Variants in PLXNA2 observed in about 807,000 individuals in gnomAD.
PLXNA2 encodes plexin-A2.
Under a neutral mutation model 193.5 loss-of-function variants are expected in PLXNA2, and 91 were observed. The ratio of observed to expected loss-of-function variants is 0.47; its 90% CI spans 0.40 to 0.56. The LOEUF is 0.56. Among genes scored for constraint, PLXNA2 ranks in the 20% least tolerant of loss-of-function variants. PLXNA2 has a pLI of 0.00. For synonymous variants in PLXNA2, 997 were observed against 1,027.3 expected (o/e 0.97, Z 0.56); for missense variants, 1,995 against 2,503.2 (o/e 0.80, Z 4.33).
chr1:208,038,307 G>A lies in PLXNA2; in HGVS notation c.4764+64C>T, dbSNP rs547189954. 4.1e-5 allele frequency: 48 copies of A among 1,164,698 alleles called. No individual in the cohort carries two copies. The highest frequency in any genetic ancestry group is 3.0e-4 in the East Asian group (13 of 42,706). The allele number at this position is 1,164,698 out of a possible 1,614,324, so 72.1% of individuals were successfully genotyped here. On this transcript the variant is annotated intron_variant, in intron 26 of 31. Coordinates refer to ENST00000367033, the MANE Select transcript of PLXNA2 (RefSeq NM_025179.4). This position sits in a 1 kb window ranked among gnomAD's most constrained non-coding sequence, Gnocchi z 4.1. ...CTTTTTAGACTTTTGAGGCCTTAGA[G>A]CAAGGCTTAGCGGGAAGGGAACATT...
rs77558820 is a variant in PLXNA2 at position 208,091,334 on chromosome 1, G to A, written c.2097+1452C>T. On this transcript the variant is annotated intron_variant, in intron 9 of 31. Transcript: ENST00000367033. ...TTCAGAGTCTATTTTCTTATGTTTAGCCATGGAAGCAACCAGCACTGCTAT... is the reference window on the plus strand; with the variant it reads ...TTCAGAGTCTATTTTCTTATGTTTAACCATGGAAGCAACCAGCACTGCTAT... Among the ~76,000 whole-genome samples, 248 of 152,280 alleles carry A rather than the reference G, an allele frequency of 1.6e-3. 1 individual carries two copies. The highest frequency in any genetic ancestry group is 0.011 in the Admixed American group (172 of 15,298).
rs79921446 is a variant in PLXNA2, at chr1:208,195,694, G to A, written c.1371+14586C>T. On this transcript the variant is annotated intron_variant, in intron 3 of 31. Coordinates refer to ENST00000367033, the MANE Select transcript of PLXNA2 (RefSeq NM_025179.4). ...GTGGGCAACATGCATCATAAAAAGCGTAATGGACTAATGCTAATACACAGA... is the reference window on the plus strand; with the variant it reads ...GTGGGCAACATGCATCATAAAAAGCATAATGGACTAATGCTAATACACAGA... Among the ~76,000 whole-genome samples, 44 of 151,896 alleles carry A rather than the reference G, an allele frequency of 2.9e-4. No homozygotes were observed. The Middle Eastern group carries it at 0.014, about 47-fold the overall frequency.
intron 3 of PLXNA2, among the ~76,000 whole-genome samples, chr1:208,196,081 G>A (rs950009451): frequency 3.3e-5 from 5 of 151,980 alleles, no homozygotes; most frequent in Admixed American, 6.6e-5. Context: ...AGTTATGTTG[G>A]GCTTATGACA....
rs1664264196 is a variant in PLXNA2 at position 208,023,918 on chromosome 1, T to C, written c.*3325A>G. 1.3e-5 allele frequency: 2 copies of C among 152,214 alleles called. No individual in the cohort carries two copies. The highest frequency in any genetic ancestry group is 1.3e-4 in the Admixed American group (2 of 15,288). The allele number at this position is 152,214 out of a possible 1,614,324, so 9.4% of individuals were successfully genotyped here. ...TGATCCATGCTTTTAATGACTGAAC[T>C]CTGTAAAGAGGGGAACCCTCTGCCA... is the stretch of plus-strand genomic sequence containing the variant. On this transcript the variant is annotated 3_prime_UTR_variant, in exon 32 of 32. Transcript: ENST00000367033.
intron 3 of PLXNA2, among the ~76,000 whole-genome samples, chr1:208,186,708 A>ATTTTTTTTTT (rs368056918): frequency 6.4e-4 from 72 of 111,720 alleles, no homozygotes; most frequent in African/African-American, 2.0e-3. Context: ...TTGCAATGTT[A>ATTTTTTTTTT]TTTTATTTTT....
At chr1:208,225,057 G>A (rs568690379) in intron 1 of PLXNA2, among the ~76,000 whole-genome samples, 2 of 152,134 alleles carry the variant, frequency 1.3e-5, no homozygotes, top group African/African-American at 2.4e-5. Context: ...AGCTGCGTGC[G>A]GCTCTCAGCT....
At chr1:208,207,061 A>C (rs1013906954) in intron 3 of PLXNA2, among the ~76,000 whole-genome samples, 1 of 152,128 alleles carries the variant, frequency 6.6e-6, no homozygotes, top group African/African-American at 2.4e-5. Context: ...GCTGGAGTGC[A>C]GTAGCATGAT....
intron 4 of PLXNA2, among the ~76,000 whole-genome samples, chr1:208,123,058 A>G (rs1169566208): frequency 2.6e-5 from 4 of 152,162 alleles, no homozygotes; most frequent in African/African-American, 9.7e-5. Context: ...CCCCATACCC[A>G]TTAGTAGTCA....
chr1:208,205,564 T>A (rs1385994969), intron 3 of PLXNA2, among the ~76,000 whole-genome samples: 1 of 152,182 alleles, frequency 6.6e-6, no homozygotes, highest in African/African-American at 2.4e-5. Flanking sequence ...CTGCTCCTCT[T>A]CTCTGCCTCA....
intron 17 of PLXNA2, among the ~76,000 whole-genome samples, chr1:208,047,111 C>A (rs1283826964): frequency 6.6e-5 from 10 of 152,150 alleles, no homozygotes; most frequent in African/African-American, 2.4e-4. Flanking sequence ...CAGGCACGTG[C>A]CACCACGCCC....
At chr1:208,063,255 C>T (rs539166789) in intron 12 of PLXNA2, among the ~76,000 whole-genome samples, 21 of 152,328 alleles carry the variant, frequency 1.4e-4, no homozygotes, top group African/African-American at 3.8e-4. Context: ...GTGGGGACCG[C>T]ATTGTGGATC....
Position 208,044,466 on chromosome 1 carries a change from G to A in PLXNA2, c.3874+42C>T, listed in dbSNP as rs1664985436. On this transcript the variant is annotated intron_variant, in intron 20 of 31. Transcript: ENST00000367033. The surrounding 1 kb of genome is among the most constrained non-coding windows in gnomAD (Gnocchi z 4.9). ...AGGGAGAAGGGCAATAAGGCAGGTG[G>A]AGAAAGAGGGACCCAGCAAATGAGG... is the stretch of plus-strand genomic sequence containing the variant. 1 of 1,397,762 alleles carries A rather than the reference G, an allele frequency of 7.2e-7. No individual in the cohort carries two copies. Among genetic ancestry groups the A allele is most frequent in the Non-Finnish European group, 1.0e-6 (1 of 984,388 alleles). The allele number at this position is 1,397,762 out of a possible 1,614,324, so 86.6% of individuals were successfully genotyped here. A position where few individuals can be genotyped will look rare whatever the true frequency, so the allele number is the denominator to read the frequency against.
At chr1:208,077,379 G>C (rs975581020) in intron 12 of PLXNA2, among the ~76,000 whole-genome samples, 37 of 152,192 alleles carry the variant, frequency 2.4e-4, no homozygotes, top group Non-Finnish European at 4.4e-5. Context: ...CAGCCCGTCA[G>C]CCCCCGGTCA....
chr1:208,030,066 G>A (rs1664452545), intron 29 of PLXNA2: 1 of 985,292 alleles, frequency 1.0e-6, no homozygotes, highest in African/African-American at 1.7e-5. Context: ...CAGGTCTTGG[G>A]GAAGATCTGC....
At chr1:208,126,806 G>A (rs2102458488) in intron 4 of PLXNA2, among the ~76,000 whole-genome samples, 1 of 152,226 alleles carries the variant, frequency 6.6e-6, no homozygotes, top group Non-Finnish European at 1.5e-5. Context: ...CCAGAGCACA[G>A]GCCCTGCTCT....
At chr1:208,115,716 T>C (rs1284177935) in intron 4 of PLXNA2, among the ~76,000 whole-genome samples, 1 of 152,176 alleles carries the variant, frequency 6.6e-6, no homozygotes, top group African/African-American at 2.4e-5. Flanking sequence ...CCCAAAGTAC[T>C]CATAGTGTTG....
chr1:208,226,327 G>C (rs73082018), intron 1 of PLXNA2, among the ~76,000 whole-genome samples: 22 of 152,026 alleles, frequency 1.4e-4, no homozygotes, highest in East Asian at 3.9e-4. Context: ...TGCTTTTAAC[G>C]TCAGGGAGAG....
Position 208,149,836 on chromosome 1 carries a change from C to T in PLXNA2, c.1372-7373G>A, listed in dbSNP as rs1474696555. 2.6e-5 allele frequency among the ~76,000 whole-genome samples: 4 copies of T among 152,148 alleles called. No homozygotes were observed. In the South Asian group the frequency reaches 8.3e-4, roughly 31 times the overall value. Reference sequence around the variant, plus strand: ...TCTATCCTGTACATACATTCACACACTCACATACACATACACACACACTCT... The same window carrying T: ...TCTATCCTGTACATACATTCACACATTCACATACACATACACACACACTCT... On this transcript the variant is annotated intron_variant, in intron 3 of 31. Coordinates refer to ENST00000367033, the MANE Select transcript of PLXNA2 (RefSeq NM_025179.4).
chr1:208,242,518 C>G (rs1196168530), intron 1 of PLXNA2, among the ~76,000 whole-genome samples: 1 of 152,208 alleles, frequency 6.6e-6, no homozygotes. Context: ...GCCTTCATGT[C>G]CCTTGTGCAC....
Sources: gnomAD v4.1 joint callset for allele counts (sites outside exome capture counted in the v4.1 genomes callset) on GRCh38, gnomAD v4.1.1 for gene constraint, Gnocchi (gnomAD v3.1) non-coding constraint, MANE v1.5 for transcripts, NCBI Gene and HGNC (gene_info 2026-07-23, HGNC 2026-07-21) for gene names.